CEP131: variants seen among roughly 807,000 people sequenced by gnomAD.
CEP131 encodes the protein centrosomal protein 131, also known as centrosomal protein of 131 kDa.
A neutral mutation model predicts 136.8 loss-of-function variants in CEP131; 99 were observed. The ratio of observed to expected loss-of-function variants is 0.72; its 90% CI spans 0.62 to 0.86. The LOEUF (loss-of-function observed/expected upper bound fraction) is 0.86, where lower values mean the gene tolerates loss of function less well. CEP131 is among the 40% of genes least tolerant of loss of function. CEP131 has a pLI of 0.00. For synonymous variants in CEP131, 646 were observed against 612.7 expected (o/e 1.05, Z -0.80); for missense variants, 1,459 against 1,463.0 (o/e 1.00, Z 0.04).
Position 81,196,829 on chromosome 17 carries a change from G to T in CEP131, c.1774-3C>A. 1 of 1,596,326 alleles carries T rather than the reference G, an allele frequency of 6.3e-7. No homozygotes were observed. The highest frequency in any genetic ancestry group is 1.7e-5 in the Admixed American group (1 of 57,362). The stretch of plus-strand genomic sequence containing the variant: ...GCCGTGAGGTCTCGCTGCTGCGCCT[G>T]CAGGGTGTGGGCAGAGGAGGGAAGC... On this transcript the variant is annotated splice_polypyrimidine_tract_variant and splice_region_variant and intron_variant, in intron 14 of 25. Coordinates refer to ENST00000450824, the MANE Select transcript of CEP131 (RefSeq NM_014984.4).
chr17:81,193,845 G>C (rs2061694621), intron 18 of CEP131, 81 bp downstream of exon 18: 1 of 1,441,956 alleles, frequency 6.9e-7, no homozygotes, highest in Admixed American at 2.2e-5. Context: ...ACCTCTACAT[G>C]GGAACTCCAC....
rs2061791909 is a variant in CEP131, at chr17:81,197,631, C to T, written c.1647+81G>A. On this transcript the variant is annotated intron_variant, in intron 13 of 25. Coordinates refer to ENST00000450824, the MANE Select transcript of CEP131 (RefSeq NM_014984.4). ...GGGCCAGGTGCGGGCTGGTGAGGGG[C>T]CTCCTCCCCCGAGGGCCAGGTGCAG... The T allele has an allele frequency of 5.3e-6, 8 of 1,495,340 alleles. No homozygotes were observed. In the South Asian group the frequency reaches 8.0e-5, roughly 15 times the overall value. The allele number at this position is 1,495,340 out of a possible 1,614,324, so 92.6% of individuals were successfully genotyped here.
At chr17:81,221,825 G>T (rs1455023591) in intron 1 of CEP131, among the ~76,000 whole-genome samples, 1 of 152,134 alleles carries the variant, frequency 6.6e-6, no homozygotes, top group African/African-American at 2.4e-5. Context: ...GACCAACCTC[G>T]AGAATTACCT....
chr17:81,197,169 G>A (rs980056080), intron 13 of CEP131, 114 bp from the exon 14 acceptor site: 26 of 1,406,696 alleles, frequency 1.8e-5, no homozygotes, highest in African/African-American at 1.6e-4. Flanking sequence ...TGCTGCACAC[G>A]GGAGCCCGTG....
At chr17:81,207,494 T>A (rs3975668) in intron 3 of CEP131, among the ~76,000 whole-genome samples, 136,136 of 151,232 alleles carry the variant, frequency 0.9, 61,789 homozygotes, top group Non-Finnish European at 0.96. Context: ...AAGGGCCTTA[T>A]TTGTTTTTTC....
chr17:81,199,313 A>G, intron 10 of CEP131, 68 bp downstream of exon 10: 1 of 1,475,654 alleles, frequency 6.8e-7, no homozygotes, highest in East Asian at 2.4e-5. Context: ...GGAGGTCCAC[A>G]AGGGCTGCAC....
At position 81,197,718 on chromosome 17, in the gene CEP131, C is replaced by G; in HGVS notation, c.1641G>C (p.Gln547His). ...CGGGCTGGTGAGGGGCCACCTCCTG[C>G]TGGGAGTCCAGCTGGTCCTGCCCAG... ...EKSGQDQLDSQQEGWVPEAGP... is the reference protein window; with the variant it reads ...EKSGQDQLDSHQEGWVPEAGP... The change falls in exon 13 of 26, where the codon CAG (glutamine) becomes CAC (histidine). Residue 547 changes from glutamine to histidine, a missense_variant. This residue lies in a region of CEP131 where 1,026 missense variants were observed against 964.2 expected (regional missense o/e 1.06). Transcript: ENST00000450824. The G allele has an allele frequency of 6.2e-7, 1 of 1,610,370 alleles. No homozygotes were observed. The highest frequency in any genetic ancestry group is 8.5e-7 in the Non-Finnish European group (1 of 1,178,540).
intron 1 of CEP131, among the ~76,000 whole-genome samples, chr17:81,222,087 C>T (rs1049379974): frequency 1.3e-5 from 2 of 152,216 alleles, no homozygotes; most frequent in Non-Finnish European, 2.9e-5. Flanking sequence ...TGGCTGGACC[C>T]ATGCAAGCCC....
Position 81,202,220 on chromosome 17 carries a change from A to T in CEP131, c.788+20T>A, listed in dbSNP as rs542501430. On this transcript the variant is annotated intron_variant, in intron 7 of 25. Transcript: ENST00000450824. ...GTGTTCTAGGCTCAGGCCCCCCCCCACCGCCCCAAGATCGGTCACCTCTCA... is the reference window on the plus strand; with the variant it reads ...GTGTTCTAGGCTCAGGCCCCCCCCCTCCGCCCCAAGATCGGTCACCTCTCA... 6 of 910,228 alleles carry T rather than the reference A, an allele frequency of 6.6e-6. No individual in the cohort carries two copies. Among genetic ancestry groups the T allele is most frequent in the Admixed American group, 4.0e-5 (1 of 24,970 alleles). The allele number at this position is 910,228 out of a possible 1,614,324, so 56.4% of individuals were successfully genotyped here.
At position 81,195,962 on chromosome 17, in the gene CEP131, G is replaced by A. The variant is rs1425162826; in HGVS notation, c.1900-11C>T. ...CTTGTCCTCAATCAGCTGTGTTGGG[G>A]ACCGGAGGTGAGGTGCTACACCAAG... On this transcript the variant is annotated splice_polypyrimidine_tract_variant and intron_variant, in intron 15 of 25. Transcript: ENST00000450824. 2.5e-6 allele frequency: 4 copies of A among 1,603,354 alleles called. No homozygotes were observed. In the East Asian group the frequency reaches 8.9e-5, roughly 36 times the overall value.
chr17:81,197,722 G>A lies in CEP131; in HGVS notation c.1637C>T (p.Ser546Phe). ...CTGGTGAGGGGCCACCTCCTGCTGG[G>A]AGTCCAGCTGGTCCTGCCCAGACTT... The part of the protein sequence containing the change: ...MEKSGQDQLD[S>F]QQEGWVPEAG... Residue 546 changes from serine to phenylalanine, a missense_variant, in exon 13 of 26, where the codon TCC (serine) becomes TTC (phenylalanine). Ser to Phe is a radical substitution (Grantham distance 155). Around this residue, in one of 3 missense-constraint regions of CEP131, gnomAD observed 1,026 missense variants for 964.2 expected, o/e 1.06. Coordinates refer to ENST00000450824, the MANE Select transcript of CEP131 (RefSeq NM_014984.4). 6.2e-7 allele frequency: 1 copy of A among 1,610,908 alleles called. No homozygotes were observed. Among genetic ancestry groups the A allele is most frequent in the Non-Finnish European group, 8.5e-7 (1 of 1,178,842 alleles).
At chr17:81,196,055 C>CCAGGGGAGGGCTGCTGT in intron 15 of CEP131, 104 bp from the exon 16 acceptor site, 2 of 933,850 alleles carry the variant, frequency 2.1e-6, no homozygotes, top group Non-Finnish European at 3.3e-6. Context: ...AACAGCAGCC[C>CCAGGGGAGGGCTGCTGT]TCCCCTGGGG....
chr17:81,213,065 G>A (rs573159681), intron 2 of CEP131, among the ~76,000 whole-genome samples: 1 of 152,260 alleles, frequency 6.6e-6, no homozygotes, highest in South Asian at 2.1e-4. Flanking sequence ...TGAGGCTGGA[G>A]CAGTTTATAG....
At chr17:81,202,478 G>C (rs556726017) in intron 6 of CEP131, 80 bp from the exon 7 acceptor site, 3 of 1,511,732 alleles carry the variant, frequency 2.0e-6, no homozygotes, top group Non-Finnish European at 2.7e-6. Context: ...GCCCACTCCC[G>C]GAAGTCCCAG....
In CEP131 at chr17:81,210,829, C is replaced by CAAAA. The variant is rs11379490; in HGVS notation, c.178-1811_178-1808dup. ...AAACAACCCAACTTCAAAAAAAGACCAAAAAAAAAAAAAAAGGCTCCAGGA... is the reference window on the plus strand; with the variant it reads ...AAACAACCCAACTTCAAAAAAAGACCAAAAAAAAAAAAAAAAAAAGGCTCCAGGA... On this transcript the variant is annotated intron_variant, in intron 2 of 25. Transcript: ENST00000450824. Among the ~76,000 whole-genome samples the CAAAA allele has an allele frequency of 2.8e-3, 376 of 136,140 alleles. 3 individuals carry two copies. Among genetic ancestry groups the CAAAA allele is most frequent in the African/African-American group, 8.7e-3 (325 of 37,350 alleles). The allele number at this position is 136,140 out of a possible 152,430, so 89.3% of individuals were successfully genotyped here.
intron 2 of CEP131, among the ~76,000 whole-genome samples, chr17:81,216,216 G>A (rs1240820876): frequency 1.3e-5 from 2 of 152,090 alleles, no homozygotes; most frequent in East Asian, 1.9e-4. Flanking sequence ...AAAATTAGCC[G>A]GGCATGGTGG....
rs749310378 is a variant in CEP131 at position 81,190,735 on chromosome 17, C to T, written c.3011G>A (p.Arg1004Gln). The T allele has an allele frequency of 1.2e-5, 19 of 1,611,434 alleles. No individual in the cohort carries two copies. In the Admixed American group the frequency reaches 1.3e-4, roughly 11 times the overall value. Residue 1004 changes from arginine to glutamine, a missense_variant, in exon 24 of 26, where the codon CGG becomes CAG. This residue lies in a region of CEP131 where 1,026 missense variants were observed against 964.2 expected (regional missense o/e 1.06). Coordinates refer to ENST00000450824, the MANE Select transcript of CEP131 (RefSeq NM_014984.4). ...AQVIRQEFED[R>Q]LAASEEETRQ... The stretch of plus-strand genomic sequence containing the variant: ...CGTCTCCTCCTCAGAGGCTGCCAGC[C>T]GGTCCTCGAACTCCTGGCGGATCAC...
intron 3 of CEP131, among the ~76,000 whole-genome samples, chr17:81,207,842 A>T (rs2062040310): frequency 4.5e-5 from 1 of 22,142 alleles, no homozygotes. Flanking sequence ...ATCAGGTGGG[A>T]TCAAAACCGT....
rs1164527157 is a variant in CEP131, at chr17:81,219,474, C to G, written c.177+406G>C. ...ATGCCCGGCTAATTTTTTTTTGTAT[C>G]TTTAGTAGAGACGGAGTTTCACCAT... On this transcript the variant is annotated intron_variant, in intron 2 of 25. Transcript: ENST00000450824. The surrounding 1 kb of genome is among the most constrained non-coding windows in gnomAD (Gnocchi z 4.0). Among the ~76,000 whole-genome samples, 2 of 151,484 alleles carry G rather than the reference C, an allele frequency of 1.3e-5. No homozygotes were observed. The highest frequency in any genetic ancestry group is 2.9e-5 in the Non-Finnish European group (2 of 67,844).
Sources: gnomAD v4.1 joint callset for allele counts (sites outside exome capture counted in the v4.1 genomes callset) on GRCh38, gnomAD v4.1.1 for gene constraint, gnomAD v4.1.1 regional missense constraint, Gnocchi (gnomAD v3.1) non-coding constraint, MANE v1.5 for transcripts, NCBI Gene and HGNC (gene_info 2026-07-23, HGNC 2026-07-21) for gene names.